The following COL21A1 variants were observed in gnomAD, a reference collection of about 807,000 sequenced individuals.
The protein encoded by COL21A1 is collagen alpha-1(XXI) chain.
COL21A1 carries 149 observed loss-of-function variants against 137.9 expected under a neutral mutation model. The ratio of observed to expected loss-of-function variants is 1.08; its 90% CI spans 0.95 to 1.24. The LOEUF is 1.24. COL21A1 is among the 50% of genes most tolerant of loss of function. COL21A1 has a pLI of 0.00. For missense variants in COL21A1, 1,167 were observed against 1,158.4 expected (o/e 1.01, Z -0.11); for synonymous variants, 456 against 391.5 (o/e 1.16, Z -1.95).
intron 1 of COL21A1, among the ~76,000 whole-genome samples, chr6:56,192,523 A>C (rs1276837170): frequency 1.3e-5 from 2 of 152,146 alleles, no homozygotes; most frequent in Non-Finnish European, 2.9e-5. Context: ...AAAAGTCGAC[A>C]AAGGATAAGA....
Position 56,141,997 on chromosome 6 carries a change from T to G in COL21A1, c.1435-14A>C. The G allele has an allele frequency of 6.7e-7, 1 of 1,491,124 alleles. No individual in the cohort carries two copies. The highest frequency in any genetic ancestry group is 9.0e-7 in the Non-Finnish European group (1 of 1,107,740). The allele number at this position is 1,491,124 out of a possible 1,614,324, so 92.4% of individuals were successfully genotyped here. A position where few individuals can be genotyped will look rare whatever the true frequency, so the allele number is the denominator to read the frequency against. ...TCCCTGATATCCCTAAAGAAAAATT[T>G]AAAAAGAAAAAAAATAATATTTCAT... On this transcript the variant is annotated splice_polypyrimidine_tract_variant and intron_variant, in intron 10 of 29. Coordinates refer to ENST00000244728, the MANE Select transcript of COL21A1 (RefSeq NM_030820.4).
intron 1 of COL21A1, among the ~76,000 whole-genome samples, chr6:56,338,790 C>T (rs1693353103): frequency 6.6e-6 from 1 of 152,136 alleles, no homozygotes; most frequent in Admixed American, 6.5e-5. Flanking sequence ...TAATGGCTCA[C>T]TATAAATACT....
At chr6:56,257,878 T>G (rs921857622) in intron 1 of COL21A1, among the ~76,000 whole-genome samples, 4 of 152,140 alleles carry the variant, frequency 2.6e-5, no homozygotes, top group African/African-American at 7.2e-5. Flanking sequence ...TGCATTAAAT[T>G]ATAGTATTAT....
chr6:56,350,418 C>A (rs1051522958), intron 1 of COL21A1, among the ~76,000 whole-genome samples: 19 of 152,140 alleles, frequency 1.2e-4, no homozygotes, highest in Non-Finnish European at 2.4e-4. Context: ...ACAGGGAGGA[C>A]AGGGCAGTGA....
chr6:56,060,816 T>C (rs998763338), intron 26 of COL21A1, 21 bp from the exon 27 acceptor site: 3 of 1,595,054 alleles, frequency 1.9e-6, no homozygotes, highest in Non-Finnish European at 2.6e-6. Context: ...GTGTTAGGGG[T>C]TATAACATGC....
chr6:56,235,571 T>C (rs547144054), intron 1 of COL21A1, among the ~76,000 whole-genome samples: 1 of 152,054 alleles, frequency 6.6e-6, no homozygotes, highest in South Asian at 2.1e-4. Context: ...GGGAATACTG[T>C]TCGTGATAGT....
rs543511038 is a variant in COL21A1 at position 56,075,188 on chromosome 6, T to C, written c.1911+291A>G. On this transcript the variant is annotated intron_variant, in intron 19 of 29. Coordinates refer to ENST00000244728, the MANE Select transcript of COL21A1 (RefSeq NM_030820.4). ...CACTGAGATTTAGACTTAATGGTAC[T>C]TAGTATTTTTAAATTAATAGCTAGA... is the stretch of plus-strand genomic sequence containing the variant. 1.5e-4 allele frequency among the ~76,000 whole-genome samples: 22 copies of C among 151,586 alleles called. No individual in the cohort carries two copies. In the South Asian group the frequency reaches 4.4e-3, roughly 30 times the overall value.
chr6:56,082,934 T>C (rs1767919125), intron 17 of COL21A1, among the ~76,000 whole-genome samples: 1 of 151,922 alleles, frequency 6.6e-6, no homozygotes, highest in Non-Finnish European at 1.5e-5. Flanking sequence ...ACACAGCCCA[T>C]TGTGAATTTT....
chr6:56,322,833 T>C (rs186876194), intron 1 of COL21A1, among the ~76,000 whole-genome samples: 1 of 146,038 alleles, frequency 6.8e-6, no homozygotes, highest in Non-Finnish European at 1.5e-5. Flanking sequence ...ATCAAAGTTT[T>C]CAATAATCTG....
chr6:56,327,503 G>A (rs1765123022), intron 1 of COL21A1, among the ~76,000 whole-genome samples: 1 of 151,998 alleles, frequency 6.6e-6, no homozygotes, highest in Admixed American at 6.6e-5. Flanking sequence ...ACAAACAGGT[G>A]GCCATTTTTC....
intron 1 of COL21A1, among the ~76,000 whole-genome samples, chr6:56,211,198 T>C (rs549374733): frequency 2.2e-3 from 46 of 20,598 alleles, no homozygotes; most frequent in African/African-American, 0.011. Context: ...TATATATGTA[T>C]ATATACATAT....
At chr6:56,112,410 A>C (rs918133052) in intron 16 of COL21A1, among the ~76,000 whole-genome samples, 1 of 152,160 alleles carries the variant, frequency 6.6e-6, no homozygotes, top group African/African-American at 2.4e-5. Context: ...AGAACCAAAA[A>C]TCAGGTGAGC....
Position 56,353,841 on chromosome 6 carries a change from T to A in COL21A1, c.-39+40130A>T, listed in dbSNP as rs187819217. On this transcript the variant is annotated intron_variant, in intron 1 of 28. Coordinates refer to the COL21A1 transcript ENST00000370819. ...ACAGAAGAATACTTAAACATAAAGC[T>A]GAGAAAATCAACAAAAAGTAGAACA... Among the ~76,000 whole-genome samples the A allele has an allele frequency of 2.6e-3, 391 of 151,954 alleles. 2 individuals carry two copies. Among genetic ancestry groups the A allele is most frequent in the African/African-American group, 8.1e-3 (334 of 41,456 alleles).
chr6:56,365,896 G>A (rs1766088617), intron 1 of COL21A1, among the ~76,000 whole-genome samples: 1 of 152,040 alleles, frequency 6.6e-6, no homozygotes, highest in South Asian at 2.1e-4. Context: ...CTCAGTATAT[G>A]GAAGGATTTT....
Position 56,089,522 on chromosome 6 carries a change from T to A in COL21A1, c.1813-11949A>T, listed in dbSNP as rs1050442161. Reference sequence around the variant, plus strand: ...AAACTGTCAAAACGTTCCAAAAAAATTTTTCACTATATGTATTGAAAAAAA... The same window carrying A: ...AAACTGTCAAAACGTTCCAAAAAAAATTTTCACTATATGTATTGAAAAAAA... On this transcript the variant is annotated intron_variant, in intron 17 of 29. Transcript: ENST00000244728. Among the ~76,000 whole-genome samples the A allele has an allele frequency of 3.3e-5, 5 of 152,272 alleles. No individual in the cohort carries two copies. In the East Asian group the frequency reaches 5.8e-4, roughly 18 times the overall value.
intron 1 of COL21A1, among the ~76,000 whole-genome samples, chr6:56,275,780 C>A (rs76088396): frequency 6.6e-6 from 1 of 152,138 alleles, no homozygotes; most frequent in South Asian, 2.1e-4. Context: ...GGTGGGAATA[C>A]AAATGACTTC....
At position 56,170,743 on chromosome 6, in the gene COL21A1, ACTG is replaced by A; in HGVS notation, c.929_931del (p.Ala310del). On this transcript the variant is annotated inframe_deletion, in exon 5 of 30. Transcript: ENST00000244728. ...GATTTTGTCCACACCATTTAAGGTA[ACTG>A]CTATTTGTGGCCTTCCATCAATAGT... is the stretch of plus-strand genomic sequence containing the variant. The A allele has an allele frequency of 6.2e-7, 1 of 1,608,438 alleles. No individual in the cohort carries two copies. The highest frequency in any genetic ancestry group is 8.5e-7 in the Non-Finnish European group (1 of 1,176,618).
intron 1 of COL21A1, among the ~76,000 whole-genome samples, chr6:56,316,287 TATG>T (rs1369998255): frequency 6.6e-6 from 1 of 152,080 alleles, no homozygotes; most frequent in Non-Finnish European, 1.5e-5. Context: ...TTGTAATCAT[TATG>T]ATGTGCACAG....
intron 1 of COL21A1, among the ~76,000 whole-genome samples, chr6:56,188,804 T>G (rs1261270574): frequency 6.6e-6 from 1 of 152,210 alleles, no homozygotes; most frequent in African/African-American, 2.4e-5. Flanking sequence ...CAATCTTTGC[T>G]GTTCTGCAGA....
Sources: gnomAD v4.1 joint callset for allele counts (sites outside exome capture counted in the v4.1 genomes callset) on GRCh38, gnomAD v4.1.1 for gene constraint, MANE v1.5 for transcripts, NCBI Gene and HGNC (gene_info 2026-07-23, HGNC 2026-07-21) for gene names.